MTUS2: variants seen among roughly 807,000 people sequenced by gnomAD.
The protein encoded by MTUS2 is microtubule associated scaffold protein 2.
A neutral mutation model predicts 114.1 loss-of-function variants in MTUS2; 40 were observed. The observed-to-expected ratio is 0.35, with a 90% CI of 0.27 to 0.46. The LOEUF (loss-of-function observed/expected upper bound fraction) is 0.46. MTUS2 is among the 20% of genes least tolerant of loss of function. The pLI, the probability that MTUS2 is intolerant of heterozygous loss-of-function variation, is 1.00. For missense variants in MTUS2, 1,679 were observed against 1,705.4 expected, an observed-to-expected ratio of 0.98 and a Z score of 0.27; for synonymous variants, 688 against 672.0, an observed-to-expected ratio of 1.02 and a Z score of -0.37.
chr13:29,015,782 A>G (rs937936244), intron 2 of MTUS2, among the ~76,000 whole-genome samples: 3 of 152,216 alleles, frequency 2.0e-5, no homozygotes, highest in Non-Finnish European at 4.4e-5. Flanking sequence ...TTTATATGGG[A>G]GGAAGAACAT....
At chr13:29,302,113 G>A (rs1899229146) in intron 6 of MTUS2, among the ~76,000 whole-genome samples, 1 of 152,216 alleles carries the variant, frequency 6.6e-6, no homozygotes, top group Admixed American at 6.5e-5. Context: ...CCAGCACTCA[G>A]AGGAATGAAA....
At chr13:29,221,712 T>A (rs1367912766) in intron 5 of MTUS2, among the ~76,000 whole-genome samples, 9 of 152,122 alleles carry the variant, frequency 5.9e-5, no homozygotes, top group African/African-American at 1.9e-4. Flanking sequence ...TTCATTATGA[T>A]TTGTGTTCTT....
intron 4 of MTUS2, among the ~76,000 whole-genome samples, chr13:29,067,265 G>A (rs1433156150): frequency 6.6e-6 from 1 of 152,170 alleles, no homozygotes; most frequent in Non-Finnish European, 1.5e-5. Flanking sequence ...ATAGAGTAAG[G>A]AGATGATCAA....
chr13:28,903,809 T>C (rs1302095460), intron 2 of MTUS2, among the ~76,000 whole-genome samples: 2 of 152,186 alleles, frequency 1.3e-5, no homozygotes, highest in East Asian at 3.9e-4. Context: ...ATGGTATTTC[T>C]AGTTCTAGAT....
intron 2 of MTUS2, among the ~76,000 whole-genome samples, chr13:28,926,723 A>G (rs1369810750): frequency 1.3e-5 from 2 of 152,154 alleles, no homozygotes; most frequent in African/African-American, 4.8e-5. Context: ...GTAGTTTATC[A>G]ATCATCTTTT....
At chr13:28,877,131 TACAAAAAAAAAAAACA>T (rs916289737) in intron 2 of MTUS2, among the ~76,000 whole-genome samples, 9 of 126,202 alleles carry the variant, frequency 7.1e-5, no homozygotes, top group Admixed American at 6.2e-4. Context: ...CTACTAAAAA[TACAAAAAAAAAAAACA>T]ACAAAAAAAT....
chr13:28,872,667 T>C lies in MTUS2; in HGVS notation c.-243+32817T>C, dbSNP rs567603054. On this transcript the variant is annotated intron_variant, in intron 2 of 15. Transcript: ENST00000612955. ...GAGCTGGTTTAGCAATCAGCTCTTGTGGGAATGAGTACAGTGAGAACTCAC... is the reference window on the plus strand; with the variant it reads ...GAGCTGGTTTAGCAATCAGCTCTTGCGGGAATGAGTACAGTGAGAACTCAC... Among the ~76,000 whole-genome samples, 33 of 152,230 alleles carry C rather than the reference T, an allele frequency of 2.2e-4. 1 individual carries two copies. The South Asian group carries it at 5.2e-3, about 24-fold the overall frequency.
At chr13:29,333,328 G>A (rs1053829697) in intron 7 of MTUS2, among the ~76,000 whole-genome samples, 5 of 152,100 alleles carry the variant, frequency 3.3e-5, no homozygotes, top group African/African-American at 1.2e-4. Context: ...CTCCCAAGTA[G>A]TGGGGATTAT....
At chr13:29,340,881 T>C (rs1397903711) in intron 7 of MTUS2, among the ~76,000 whole-genome samples, 1 of 152,240 alleles carries the variant, frequency 6.6e-6, no homozygotes, top group Non-Finnish European at 1.5e-5. Flanking sequence ...CTCCCACTTA[T>C]GAGTGAGAAC....
chr13:28,888,748 C>G (rs1398589181), intron 2 of MTUS2, among the ~76,000 whole-genome samples: 1 of 152,116 alleles, frequency 6.6e-6, no homozygotes, highest in African/African-American at 2.4e-5. Context: ...TCAAGGGATG[C>G]TGTTGATTAT....
intron 2 of MTUS2, among the ~76,000 whole-genome samples, chr13:28,916,951 A>G (rs1466612676): frequency 6.6e-6 from 1 of 151,812 alleles, no homozygotes; most frequent in African/African-American, 2.4e-5. Flanking sequence ...TTTTATCCTC[A>G]GTCTTTTGAG....
intron 7 of MTUS2, among the ~76,000 whole-genome samples, chr13:29,335,408 A>G (rs1336130107): frequency 6.6e-6 from 1 of 152,142 alleles, no homozygotes; most frequent in African/African-American, 2.4e-5. Context: ...CTTCATTAGC[A>G]ATTTTAATTT....
intron 6 of MTUS2, among the ~76,000 whole-genome samples, chr13:29,285,302 T>G (rs1364180072): frequency 6.6e-6 from 1 of 152,156 alleles, no homozygotes; most frequent in African/African-American, 2.4e-5. Context: ...TTTTAGTAAT[T>G]TCTCCTACTC....
At chr13:29,010,136 A>T (rs2138417474) in intron 2 of MTUS2, among the ~76,000 whole-genome samples, 1 of 150,514 alleles carries the variant, frequency 6.6e-6, no homozygotes, top group East Asian at 2.0e-4. Context: ...GCTGGAACCC[A>T]GGAGGTGGAA....
intron 6 of MTUS2, among the ~76,000 whole-genome samples, chr13:29,299,477 G>A (rs1019266287): frequency 1.3e-5 from 2 of 152,230 alleles, no homozygotes; most frequent in African/African-American, 4.8e-5. Flanking sequence ...GCTGATGGGG[G>A]TCACAGGAGA....
chr13:29,501,338 A>C, intron 15 of MTUS2, 144 bp downstream of exon 15: 2 of 641,718 alleles, frequency 3.1e-6, no homozygotes, highest in Admixed American at 5.8e-5. Flanking sequence ...ACAAGAACAA[A>C]CCCCTGCGGC....
rs374602322 is a variant in MTUS2, at chr13:29,389,415, G to GTGTATGTGTATGTATACACGTGTGTGTA, written c.3117+29945_3117+29946insATGTGTATGTATACACGTGTGTGTATGT. Among the ~76,000 whole-genome samples the GTGTATGTGTATGTATACACGTGTGTGTA allele has an allele frequency of 2.2e-5, 2 of 90,026 alleles. 1 individual carries two copies. The highest frequency in any genetic ancestry group is 9.2e-5 in the African/African-American group (2 of 21,798). 59.1% of individuals were successfully genotyped at this position (90,026 alleles called of 152,430 possible). On this transcript the variant is annotated intron_variant, in intron 8 of 15. Coordinates refer to ENST00000612955, the MANE Select transcript of MTUS2 (RefSeq NM_001033602.4). ...TGTGTGTATATATGTATACACGTGT[G>GTGTATGTGTATGTATACACGTGTGTGTA]TGTGTATGTATACACGTGTGTGTAT...
chr13:29,429,440 A>G (rs1876828022), intron 8 of MTUS2, among the ~76,000 whole-genome samples: 1 of 152,252 alleles, frequency 6.6e-6, no homozygotes, highest in Non-Finnish European at 1.5e-5. Context: ...ATAAACATAG[A>G]AGTGAAAACT....
intron 8 of MTUS2, among the ~76,000 whole-genome samples, chr13:29,405,759 G>A (rs201418520): frequency 4.9e-5 from 2 of 40,734 alleles, no homozygotes; most frequent in Admixed American, 2.1e-4. Flanking sequence ...TTTTTTTTTT[G>A]AGACTGAGTC....
Sources: allele counts gnomAD v4.1 joint callset (sites outside exome capture counted in the v4.1 genomes callset), GRCh38; gene constraint gnomAD v4.1.1; transcripts MANE v1.5; gene names NCBI Gene and HGNC (gene_info 2026-07-23, HGNC 2026-07-21).